Variants in LRP1B observed in about 807,000 individuals in gnomAD.
LRP1B encodes low-density lipoprotein receptor-related protein 1B.
LRP1B carries 217 observed loss-of-function variants against 556.6 expected under a neutral mutation model. The ratio of observed to expected loss-of-function variants is 0.39; its 90% CI spans 0.35 to 0.44. LRP1B has a LOEUF of 0.44. LRP1B is among the 20% of genes least tolerant of loss of function. The pLI is 1.00. For missense variants in LRP1B, 5,053 were observed against 5,620.8 expected, an observed-to-expected ratio of 0.90 and a Z score of 3.23; for synonymous variants, 2,047 against 1,865.8, an observed-to-expected ratio of 1.10 and a Z score of -2.50.
intron 2 of LRP1B, among the ~76,000 whole-genome samples, chr2:141,499,698 A>G (rs112724294): frequency 1.7e-3 from 265 of 152,236 alleles, no homozygotes; most frequent in African/African-American, 6.0e-3. Flanking sequence ...ATATTAAAGT[A>G]TGACATTTTT....
At chr2:141,363,578 CA>C (rs960285114) in intron 3 of LRP1B, among the ~76,000 whole-genome samples, 2 of 151,956 alleles carry the variant, frequency 1.3e-5, no homozygotes, top group African/African-American at 2.4e-5. Flanking sequence ...TTTAGAGTAA[CA>C]GATAATTATT....
chr2:140,701,872 C>A (rs2105426831), intron 39 of LRP1B, 27 bp from the exon 40 acceptor site: 5 of 1,611,814 alleles, frequency 3.1e-6, no homozygotes, highest in South Asian at 1.1e-5. Context: ...CATACATGAT[C>A]AACAATCTTC....
intron 1 of LRP1B, among the ~76,000 whole-genome samples, chr2:142,006,216 A>T (rs1702794963): frequency 1.3e-5 from 2 of 152,198 alleles, no homozygotes; most frequent in Non-Finnish European, 2.9e-5. Flanking sequence ...GATTATTCAC[A>T]TCCTGCTATA....
intron 11 of LRP1B, among the ~76,000 whole-genome samples, chr2:141,032,151 C>T (rs1225866007): frequency 6.6e-6 from 1 of 151,962 alleles, no homozygotes; most frequent in Non-Finnish European, 1.5e-5. Flanking sequence ...GATCATTCTG[C>T]AAAAATATCT....
At chr2:141,362,426 G>A (rs1688857991) in intron 3 of LRP1B, among the ~76,000 whole-genome samples, 1 of 152,200 alleles carries the variant, frequency 6.6e-6, no homozygotes, top group Admixed American at 6.5e-5. Context: ...GGCAGTGGGA[G>A]AGGACCACCA....
In LRP1B at chr2:141,793,068, C is replaced by G. The variant is rs576736232; in HGVS notation, c.205+17211G>C. Among the ~76,000 whole-genome samples the G allele has an allele frequency of 4.3e-4, 66 of 151,946 alleles. 2 individuals carry two copies. The highest frequency in any genetic ancestry group is 1.5e-3 in the African/African-American group (63 of 41,510). ...TGGTTGACTCCTCTGCTTGTTACAG[C>G]AAGTTATTCTTTTATTTCATGGTTG... On this transcript the variant is annotated intron_variant, in intron 2 of 90. Coordinates refer to ENST00000389484, the MANE Select transcript of LRP1B (RefSeq NM_018557.3).
intron 1 of LRP1B, among the ~76,000 whole-genome samples, chr2:142,014,934 T>C (rs1028131397): frequency 6.6e-6 from 1 of 152,092 alleles, no homozygotes; most frequent in Non-Finnish European, 1.5e-5. Context: ...TAAAGATAAA[T>C]ACAAACATAA....
At position 140,982,218 on chromosome 2, in the gene LRP1B, T is replaced by G. The variant is rs779335937; in HGVS notation, c.2829A>C (p.Ala943=). The G allele has an allele frequency of 1.2e-6, 2 of 1,613,328 alleles. No homozygotes were observed. The highest frequency in any genetic ancestry group is 1.7e-6 in the Non-Finnish European group (2 of 1,179,584). The change falls in exon 18 of 91, where the codon GCA becomes GCC. Residue 943 remains alanine (A), a synonymous_variant. Transcript: ENST00000389484. ...SCGNGRCIPR[A]WLCDREDDCG... is the part of the protein sequence containing the mutation. ...AGTCGTCTTCCCTGTCACACAGCCA[T>G]GCTCTGGGAATGCAACGCCCATTTC... is the stretch of plus-strand genomic sequence containing the variant.
intron 20 of LRP1B, 147 bp downstream of exon 20, chr2:140,950,088 G>C (rs925745403): frequency 7.9e-6 from 4 of 508,858 alleles, no homozygotes; most frequent in Non-Finnish European, 1.3e-5. Flanking sequence ...AAAGGAAAGA[G>C]ATAGCAAATG....
intron 35 of LRP1B, among the ~76,000 whole-genome samples, chr2:140,722,805 A>G (rs1687460139): frequency 6.6e-6 from 1 of 152,198 alleles, no homozygotes; most frequent in Non-Finnish European, 1.5e-5. Context: ...ACACTTTGGG[A>G]GGCCGAGGCA....
intron 1 of LRP1B, among the ~76,000 whole-genome samples, chr2:141,950,791 A>G (rs1430457546): frequency 1.3e-5 from 2 of 152,272 alleles, no homozygotes; most frequent in Admixed American, 6.5e-5. Context: ...CATTTCTAAG[A>G]GAAAATGAAG....
chr2:140,849,034 G>A (rs1395730429), intron 29 of LRP1B, among the ~76,000 whole-genome samples: 2 of 151,838 alleles, frequency 1.3e-5, no homozygotes, highest in Admixed American at 1.3e-4. Flanking sequence ...GTAAAAATAT[G>A]TGCAAAGGGA....
chr2:141,157,185 GT>G (rs1702088159), intron 7 of LRP1B, among the ~76,000 whole-genome samples: 1 of 151,964 alleles, frequency 6.6e-6, no homozygotes. Flanking sequence ...TTGCTCTCAA[GT>G]TTTATAAAAC....
intron 74 of LRP1B, among the ~76,000 whole-genome samples, chr2:140,357,723 T>C (rs1682294195): frequency 6.6e-6 from 1 of 151,714 alleles, no homozygotes; most frequent in African/African-American, 2.4e-5. Flanking sequence ...ATTGCTGACA[T>C]CAACTTCGAT....
chr2:141,656,782 T>G (rs1405024532), intron 2 of LRP1B, among the ~76,000 whole-genome samples: 1 of 152,126 alleles, frequency 6.6e-6, no homozygotes, highest in Non-Finnish European at 1.5e-5. Context: ...AAATAGCCAT[T>G]CCATTTAGAC....
chr2:140,612,466 G>T (rs1683104525), intron 41 of LRP1B, among the ~76,000 whole-genome samples: 1 of 151,816 alleles, frequency 6.6e-6, no homozygotes, highest in Admixed American at 6.6e-5. Context: ...ACTTAAATTT[G>T]ATTTATCAGA....
chr2:141,165,157 C>T (rs1000682029), intron 7 of LRP1B, among the ~76,000 whole-genome samples: 1 of 151,942 alleles, frequency 6.6e-6, no homozygotes, highest in Non-Finnish European at 1.5e-5. Context: ...AGCCAGAGAG[C>T]TCTAGTTGCC....
At chr2:141,264,854 C>T (rs190069152) in intron 3 of LRP1B, among the ~76,000 whole-genome samples, 5 of 152,260 alleles carry the variant, frequency 3.3e-5, no homozygotes, top group Admixed American at 3.3e-4. Flanking sequence ...AGACTAACTA[C>T]GTGGCTGTGC....
chr2:140,973,987 A>C (rs1475933374), intron 18 of LRP1B, among the ~76,000 whole-genome samples: 1 of 152,186 alleles, frequency 6.6e-6, no homozygotes, highest in Non-Finnish European at 1.5e-5. Flanking sequence ...AGCCCCTACA[A>C]ACATAGTCAT....
Sources: gnomAD v4.1 joint callset for allele counts (sites outside exome capture counted in the v4.1 genomes callset) on GRCh38, gnomAD v4.1.1 for gene constraint, MANE v1.5 for transcripts, NCBI Gene and HGNC (gene_info 2026-07-23, HGNC 2026-07-21) for gene names.